Variants in PALM2AKAP2 observed in about 807,000 individuals in gnomAD.
PALM2AKAP2 encodes the protein PALM2 and AKAP2 fusion.
In PALM2AKAP2, 37 loss-of-function variants were observed where a neutral mutation model predicts 71.5. The ratio of observed to expected loss-of-function variants is 0.52; its 90% CI spans 0.40 to 0.68. The LOEUF is 0.68. Ranked by LOEUF, PALM2AKAP2 falls within the 30% of genes least tolerant of loss-of-function variation. PALM2AKAP2 has a pLI of 0.00. For missense variants in PALM2AKAP2, 1,224 were observed against 1,191.8 expected (o/e 1.03, Z -0.40); for synonymous variants, 468 against 478.8 (o/e 0.98, Z 0.29).
exon 2 of PALM2AKAP2, chr9:110,136,572 C>T: frequency 2.5e-6 from 4 of 1,613,542 alleles, no homozygotes; most frequent in Non-Finnish European, 2.5e-6. Flanking sequence ...CGGCAGGCAC[C>T]TCCTCACATC....
At chr9:110,023,618 T>A (rs1833117871) in intron 7 of PALM2AKAP2, among the ~76,000 whole-genome samples, 1 of 151,248 alleles carries the variant, frequency 6.6e-6, no homozygotes. Flanking sequence ...CCAGCTCCAG[T>A]GGCACTTTCT....
intron 1 of PALM2AKAP2, among the ~76,000 whole-genome samples, chr9:109,759,749 G>A (rs1433521031): frequency 6.6e-6 from 1 of 152,010 alleles, no homozygotes; most frequent in East Asian, 1.9e-4. Context: ...CCTCTCTTAG[G>A]GAAATTATCA....
intron 1 of PALM2AKAP2, among the ~76,000 whole-genome samples, chr9:109,691,796 T>C (rs1309150652): frequency 7.5e-6 from 1 of 133,722 alleles, no homozygotes; most frequent in East Asian, 2.2e-4. Context: ...TAGGGGAGAA[T>C]TAACATCTTA....
intron 1 of PALM2AKAP2, among the ~76,000 whole-genome samples, chr9:109,793,022 C>G (rs1305324839): frequency 1.3e-5 from 2 of 152,146 alleles, no homozygotes; most frequent in Admixed American, 6.5e-5. Context: ...TTTGAAAATA[C>G]TCTTTGATTT....
At chr9:109,841,354 T>C (rs1357010434) in intron 1 of PALM2AKAP2, among the ~76,000 whole-genome samples, 7 of 82,110 alleles carry the variant, frequency 8.5e-5, no homozygotes, top group South Asian at 4.5e-4. Context: ...CATCATACAC[T>C]GGGGCCTGTT....
At chr9:109,837,286 T>C (rs1828508394) in intron 1 of PALM2AKAP2, among the ~76,000 whole-genome samples, 1 of 152,178 alleles carries the variant, frequency 6.6e-6, no homozygotes, top group South Asian at 2.1e-4. Context: ...CTAAGCTTCA[T>C]TAGTGAAGGA....
At chr9:109,891,049 C>G (rs1564197394) in intron 3 of PALM2AKAP2, among the ~76,000 whole-genome samples, 1 of 152,206 alleles carries the variant, frequency 6.6e-6, no homozygotes, top group Non-Finnish European at 1.5e-5. Context: ...CAAAGAATGT[C>G]CCCCTGGCCA....
intron 7 of PALM2AKAP2, among the ~76,000 whole-genome samples, chr9:110,026,977 A>G (rs1306786839): frequency 6.6e-6 from 1 of 152,158 alleles, no homozygotes; most frequent in East Asian, 1.9e-4. Flanking sequence ...CAGGAGGTAG[A>G]GGTTGCAGTG....
chr9:109,845,083 G>A (rs1828819092), intron 1 of PALM2AKAP2, among the ~76,000 whole-genome samples: 1 of 152,192 alleles, frequency 6.6e-6, no homozygotes. Flanking sequence ...CTCTTCTCCA[G>A]TAAGGCCACT....
intron 1 of PALM2AKAP2, among the ~76,000 whole-genome samples, chr9:109,814,215 A>G (rs900792683): frequency 2.0e-5 from 3 of 152,228 alleles, no homozygotes; most frequent in Non-Finnish European, 4.4e-5. Context: ...GCACACTTGT[A>G]CCATCATCTA....
At chr9:109,765,470 TCA>T (rs1829135727) in intron 1 of PALM2AKAP2, 1 of 26,796 alleles carries the variant, frequency 3.7e-5, no homozygotes. Flanking sequence ...ATGATCATGA[TCA>T]TGATCATCAT....
In PALM2AKAP2 at chr9:109,874,164, G is replaced by A. The variant is rs142726023; in HGVS notation, c.127-6387G>A. 3.5e-4 allele frequency among the ~76,000 whole-genome samples: 53 copies of A among 152,194 alleles called. 1 individual carries two copies. Among genetic ancestry groups the A allele is most frequent in the Non-Finnish European group, 4.1e-4 (28 of 68,016 alleles). On this transcript the variant is annotated intron_variant, in intron 2 of 9. Transcript: ENST00000302798. ...AAGAATTCCTCACATGTCAGCCTCC[G>A]TGGATGAATAAAAGATACAGTCCTG...
intron 6 of PALM2AKAP2, among the ~76,000 whole-genome samples, chr9:110,011,012 A>ATATATATATGTATATAT (rs59242587): frequency 1.1e-5 from 1 of 90,512 alleles, no homozygotes; most frequent in Non-Finnish European, 2.0e-5. Context: ...AAAAAAAAAA[A>ATATATATATGTATATAT]AAATATATAT....
At chr9:109,688,604 C>T (rs1777526993) in intron 1 of PALM2AKAP2, among the ~76,000 whole-genome samples, 1 of 152,242 alleles carries the variant, frequency 6.6e-6, no homozygotes, top group Admixed American at 6.5e-5. Context: ...CAAGAACAGA[C>T]ATTTAAGCCC....
At chr9:109,664,269 GT>G (rs1351532873) in intron 1 of PALM2AKAP2, among the ~76,000 whole-genome samples, 2 of 152,200 alleles carry the variant, frequency 1.3e-5, no homozygotes, top group African/African-American at 4.8e-5. Flanking sequence ...AATTGATGCA[GT>G]TTCTTCATAG....
At chr9:109,780,629 C>G in intron 1 of PALM2AKAP2, 96 bp downstream of exon 1, 1 of 1,537,930 alleles carries the variant, frequency 6.5e-7, no homozygotes, top group South Asian at 1.1e-5. Context: ...GCACAGTAGC[C>G]GCAGGTCATA....
intron 1 of PALM2AKAP2, among the ~76,000 whole-genome samples, chr9:109,701,942 A>G (rs1828067866): frequency 6.6e-6 from 1 of 152,216 alleles, no homozygotes; most frequent in Non-Finnish European, 1.5e-5. Context: ...ATATGAACAG[A>G]CACTTCTCAA....
intron 1 of PALM2AKAP2, among the ~76,000 whole-genome samples, chr9:109,789,510 C>G (rs1036422794): frequency 6.6e-6 from 1 of 152,168 alleles, no homozygotes; most frequent in African/African-American, 2.4e-5. Flanking sequence ...TGCAGGCTTC[C>G]CTCACTTGTC....
At chr9:109,970,171 T>C (rs1447526096) in intron 6 of PALM2AKAP2, among the ~76,000 whole-genome samples, 1 of 152,212 alleles carries the variant, frequency 6.6e-6, no homozygotes, top group Non-Finnish European at 1.5e-5. Context: ...AAGCTTCCAG[T>C]TCATCTCAGA....
Sources: allele counts gnomAD v4.1 joint callset (sites outside exome capture counted in the v4.1 genomes callset), GRCh38; gene constraint gnomAD v4.1.1; transcripts MANE v1.5; gene names NCBI Gene and HGNC (gene_info 2026-07-23, HGNC 2026-07-21).